The following GPC5 variants were observed in gnomAD, a reference collection of about 807,000 sequenced individuals.
GPC5 encodes the protein glypican-5.
A neutral mutation model predicts 53.9 loss-of-function variants in GPC5; 47 were observed. The ratio of observed to expected loss-of-function variants is 0.87; its 90% confidence interval spans 0.69 to 1.11. The LOEUF is 1.11. Among genes scored for constraint, GPC5 ranks in the 50% most tolerant of loss-of-function variants. GPC5 has a pLI of 0.00. For missense variants in GPC5, 748 were observed against 713.1 expected (o/e 1.05, Z -0.56); for synonymous variants, 286 against 263.3 (o/e 1.09, Z -0.84).
chr13:91,824,348 G>A (rs9523424), intron 5 of GPC5, among the ~76,000 whole-genome samples: 49,318 of 151,816 alleles, frequency 0.32, 9,471 homozygotes, highest in East Asian at 0.64. Context: ...GGTAGAAGGA[G>A]AGAGACTGAG....
At position 92,762,033 on chromosome 13, in the gene GPC5, C is replaced by A. The variant is rs193253773; in HGVS notation, c.1562-104249C>A. ...CCTTAGAAGAAATGCTTAAGGGAGT[C>A]CTTCAAATAGAAAAAAAAAAGAACA... is the stretch of plus-strand genomic sequence containing the variant. On this transcript the variant is annotated intron_variant, in intron 7 of 7. Coordinates refer to ENST00000377067, the MANE Select transcript of GPC5 (RefSeq NM_004466.6). Among the ~76,000 whole-genome samples, 13 of 151,362 alleles carry A rather than the reference C, an allele frequency of 8.6e-5. 1 individual carries two copies. The highest frequency in any genetic ancestry group is 3.3e-4 in the Admixed American group (5 of 15,210).
chr13:92,442,890 G>A (rs1877632581), intron 7 of GPC5, among the ~76,000 whole-genome samples: 1 of 152,114 alleles, frequency 6.6e-6, no homozygotes, highest in Non-Finnish European at 1.5e-5. Context: ...TCTATACCCA[G>A]TAGCCACTTG....
At chr13:91,542,552 G>C (rs1180262114) in intron 2 of GPC5, among the ~76,000 whole-genome samples, 1 of 152,202 alleles carries the variant, frequency 6.6e-6, no homozygotes, top group Non-Finnish European at 1.5e-5. Context: ...TGTAGGACAC[G>C]AGCGCAGTTG....
intron 7 of GPC5, among the ~76,000 whole-genome samples, chr13:92,278,956 T>G (rs2042894580): frequency 6.6e-6 from 1 of 152,074 alleles, no homozygotes. Context: ...ATTGGGAAAT[T>G]TGAGTCTTAA....
intron 7 of GPC5, among the ~76,000 whole-genome samples, chr13:92,691,292 G>C (rs1322146276): frequency 7.7e-6 from 1 of 129,374 alleles, no homozygotes; most frequent in Non-Finnish European, 1.6e-5. Flanking sequence ...AAGCCGGTCT[G>C]AAAAGCGCAA....
At chr13:92,318,331 G>A (rs9523626) in intron 7 of GPC5, among the ~76,000 whole-genome samples, 12,643 of 152,018 alleles carry the variant, frequency 0.083, 671 homozygotes, top group Middle Eastern at 0.15. Flanking sequence ...CTGCTATCAC[G>A]GCTGATCTCA....
At chr13:91,733,477 A>G (rs138122363) in intron 4 of GPC5, among the ~76,000 whole-genome samples, 7 of 152,168 alleles carry the variant, frequency 4.6e-5, no homozygotes, top group African/African-American at 1.7e-4. Context: ...ATGTTTTTCC[A>G]TTTGTTTTTG....
At chr13:92,641,142 A>G (rs1167578434) in intron 7 of GPC5, among the ~76,000 whole-genome samples, 3 of 152,314 alleles carry the variant, frequency 2.0e-5, no homozygotes, top group South Asian at 4.1e-4. Flanking sequence ...GCTATTCATT[A>G]CAAGGAGAAA....
chr13:91,772,317 TA>T (rs1256046780), intron 5 of GPC5, among the ~76,000 whole-genome samples: 2 of 152,064 alleles, frequency 1.3e-5, no homozygotes, highest in South Asian at 2.1e-4. Context: ...AGTGGTACAA[TA>T]AAAAAAATTA....
At chr13:92,078,005 AC>A (rs1373364107) in intron 6 of GPC5, among the ~76,000 whole-genome samples, 24 of 152,112 alleles carry the variant, frequency 1.6e-4, no homozygotes, top group Non-Finnish European at 5.9e-5. Flanking sequence ...ATACAGGCAT[AC>A]GTAGATACAT....
intron 5 of GPC5, among the ~76,000 whole-genome samples, chr13:91,783,697 C>A (rs1311057870): frequency 6.6e-6 from 1 of 152,112 alleles, no homozygotes; most frequent in African/African-American, 2.4e-5. Context: ...CCGCCCTGGC[C>A]TCCCAAAGTG....
At chr13:91,963,798 G>A (rs1042467230) in intron 6 of GPC5, among the ~76,000 whole-genome samples, 1 of 152,072 alleles carries the variant, frequency 6.6e-6, no homozygotes, top group African/African-American at 2.4e-5. Context: ...GGTATTTTGA[G>A]CTCATACCAC....
At chr13:91,658,734 G>A (rs145538388) in intron 2 of GPC5, among the ~76,000 whole-genome samples, 1 of 152,128 alleles carries the variant, frequency 6.6e-6, no homozygotes, top group African/African-American at 2.4e-5. Flanking sequence ...TGATTCTCCG[G>A]GCTCAACTTT....
At chr13:91,907,503 T>TATATATATATATATA (rs2039566577) in intron 5 of GPC5, among the ~76,000 whole-genome samples, 1 of 129,554 alleles carries the variant, frequency 7.7e-6, no homozygotes, top group African/African-American at 3.0e-5. Flanking sequence ...CTCTCTCTCT[T>TATATATATATATATA]TATATATATA....
chr13:92,016,497 G>C (rs2040708470), intron 6 of GPC5, among the ~76,000 whole-genome samples: 1 of 151,988 alleles, frequency 6.6e-6, no homozygotes, highest in South Asian at 2.1e-4. Flanking sequence ...TTCAACTTCT[G>C]ATTCTAAATT....
intron 7 of GPC5, among the ~76,000 whole-genome samples, chr13:92,740,461 G>A (rs192727083): frequency 6.6e-5 from 10 of 152,166 alleles, no homozygotes; most frequent in Admixed American, 3.3e-4. Flanking sequence ...CTGTCCAATT[G>A]TGAAATAGAG....
chr13:92,846,041 A>G (rs1355139624), intron 7 of GPC5, among the ~76,000 whole-genome samples: 2 of 152,150 alleles, frequency 1.3e-5, no homozygotes, highest in African/African-American at 4.8e-5. Context: ...GAACTGCCCG[A>G]GACTGGGTAA....
chr13:92,130,558 A>T (rs1168175111), intron 6 of GPC5, among the ~76,000 whole-genome samples: 1 of 152,092 alleles, frequency 6.6e-6, no homozygotes. Flanking sequence ...CAAAAGAAAG[A>T]ACACTTAATT....
chr13:91,572,084 T>TATATAC (rs1206064296), intron 2 of GPC5, among the ~76,000 whole-genome samples: 12 of 136,384 alleles, frequency 8.8e-5, no homozygotes, highest in African/African-American at 3.2e-4. Context: ...CACATATGTA[T>TATATAC]ATGTACATGT....
Sources: gnomAD v4.1 joint callset for allele counts (sites outside exome capture counted in the v4.1 genomes callset) on GRCh38, gnomAD v4.1.1 for gene constraint, MANE v1.5 for transcripts, NCBI Gene and HGNC (gene_info 2026-07-23, HGNC 2026-07-21) for gene names.